AGMO: variants seen among roughly 807,000 people sequenced by gnomAD.
The protein encoded by AGMO is alkylglycerol monooxygenase, also known as glyceryl-ether monooxygenase.
In AGMO, 75 loss-of-function variants were observed where a neutral mutation model predicts 60.2. That is an observed-to-expected ratio of 1.25 (90% CI 1.03 to 1.51). The LOEUF (loss-of-function observed/expected upper bound fraction) is 1.51, where lower values mean the gene tolerates loss of function less well. Among genes scored for constraint, AGMO ranks in the 40% most tolerant of loss-of-function variants. The pLI is 0.00. For synonymous variants in AGMO, 261 were observed against 177.1 expected, an observed-to-expected ratio of 1.47 and a Z score of -3.76; for missense variants, 763 against 525.5, an observed-to-expected ratio of 1.45 and a Z score of -4.42.
chr7:15,262,967 G>A (rs190751008), intron 12 of AGMO, among the ~76,000 whole-genome samples: 41 of 152,016 alleles, frequency 2.7e-4, no homozygotes, highest in African/African-American at 5.3e-4. Flanking sequence ...ACCTGAAACC[G>A]TAAAGATTCT....
At chr7:15,354,829 AATTTG>A (rs978107296) in intron 12 of AGMO, among the ~76,000 whole-genome samples, 19 of 151,124 alleles carry the variant, frequency 1.3e-4, no homozygotes, top group Non-Finnish European at 2.2e-4. Flanking sequence ...AATTCACGAG[AATTTG>A]TTTTCTAAAA....
rs372634480 is a variant in AGMO, at chr7:15,516,518, G to A, written c.409+28254C>T. Among the ~76,000 whole-genome samples the A allele has an allele frequency of 4.6e-5, 7 of 152,200 alleles. No individual in the cohort carries two copies. The East Asian group carries it at 1.2e-3, about 25-fold the overall frequency. On this transcript the variant is annotated intron_variant, in intron 3 of 12. Coordinates refer to ENST00000342526, the MANE Select transcript of AGMO (RefSeq NM_001004320.2). ...GTTTAAAAAGATGAAAAAGAAATCT[G>A]TTCCTTTAAAAACCTTAAAAAAGTC... is the stretch of plus-strand genomic sequence containing the variant.
At chr7:15,554,885 T>C (rs865878001) in intron 2 of AGMO, among the ~76,000 whole-genome samples, 2 of 152,106 alleles carry the variant, frequency 1.3e-5, no homozygotes, top group African/African-American at 4.8e-5. Context: ...GGCATGACAT[T>C]CACTCTTTCA....
chr7:15,382,675 T>C (rs752641340), intron 10 of AGMO, among the ~76,000 whole-genome samples: 6 of 152,174 alleles, frequency 3.9e-5, no homozygotes, highest in Non-Finnish European at 8.8e-5. Context: ...AGAAGCCCTT[T>C]TAGAAGCGCT....
chr7:15,414,362 G>C (rs962213566), intron 5 of AGMO, among the ~76,000 whole-genome samples: 1 of 152,054 alleles, frequency 6.6e-6, no homozygotes, highest in Non-Finnish European at 1.5e-5. Flanking sequence ...AAGGTTGGGA[G>C]GGCTTAGATT....
At chr7:15,303,589 C>G (rs1440904956) in intron 12 of AGMO, among the ~76,000 whole-genome samples, 1 of 151,966 alleles carries the variant, frequency 6.6e-6, no homozygotes, top group African/African-American at 2.4e-5. Flanking sequence ...TGGGGATGAC[C>G]TCGGCTGTTT....
chr7:15,552,818 T>C (rs1387591032), intron 2 of AGMO, among the ~76,000 whole-genome samples: 1,970 of 149,754 alleles, frequency 0.013, 31 homozygotes, highest in African/African-American at 0.046. Context: ...ATCCCATTAC[T>C]GGGTATATAC....
chr7:15,173,721 G>C, the AGMO span, among the ~76,000 whole-genome samples: 1 of 151,694 alleles, frequency 6.6e-6, no homozygotes, highest in Non-Finnish European at 1.5e-5. Flanking sequence ...TGGAAGTTAG[G>C]AGTTTAAGTT....
At chr7:15,224,376 T>G (rs1387008361) in intron 12 of AGMO, among the ~76,000 whole-genome samples, 1 of 151,902 alleles carries the variant, frequency 6.6e-6, no homozygotes, top group African/African-American at 2.4e-5. Context: ...ATGGGATGAA[T>G]GTACTTATAG....
intron 3 of AGMO, among the ~76,000 whole-genome samples, chr7:15,486,114 T>C (rs1204989726): frequency 2.0e-5 from 3 of 152,138 alleles, no homozygotes; most frequent in Non-Finnish European, 2.9e-5. Flanking sequence ...GCTATAACAT[T>C]TGGAGATAAC....
At chr7:15,213,485 A>T (rs921669568) in intron 12 of AGMO, among the ~76,000 whole-genome samples, 1 of 151,970 alleles carries the variant, frequency 6.6e-6, no homozygotes, top group Non-Finnish European at 1.5e-5. Context: ...AGGAAAATTT[A>T]AATTTATAAT....
At position 15,431,045 on chromosome 7, in the gene AGMO, G is replaced by C; in HGVS notation, c.473C>G (p.Thr158Arg). The change falls in exon 4 of 13, where the codon ACA (threonine) becomes AGA (arginine). Residue 158 changes from threonine to arginine, a missense_variant. Transcript: ENST00000342526. ...HHSSEDYNLS[T>R]ALRQSVLQIY... is the part of the protein sequence containing the mutation. ...CTGGAGGACAGACTGTCTCAGTGCT[G>C]TGGATAAGTTATAGTCTTCAGAACT... The C allele has an allele frequency of 6.2e-7, 1 of 1,610,498 alleles. No individual in the cohort carries two copies. The highest frequency in any genetic ancestry group is 2.2e-5 in the East Asian group (1 of 44,702).
At chr7:15,119,502 A>G in the AGMO span, among the ~76,000 whole-genome samples, 78 of 152,198 alleles carry the variant, frequency 5.1e-4, no homozygotes, top group African/African-American at 1.9e-3. Context: ...CTTAAATTCT[A>G]AGGTCAGTCA....
the AGMO span, among the ~76,000 whole-genome samples, chr7:15,138,037 C>T: frequency 5.8e-4 from 88 of 152,198 alleles, no homozygotes; most frequent in African/African-American, 1.9e-3. Flanking sequence ...CGCTTTCCCC[C>T]CAAATGATAC....
intron 3 of AGMO, among the ~76,000 whole-genome samples, chr7:15,531,587 A>T: frequency 1.2e-5 from 1 of 82,440 alleles, no homozygotes; most frequent in Non-Finnish European, 2.1e-5. Flanking sequence ...TATATATTCT[A>T]TATATATTCT....
chr7:15,376,174 T>C (rs1351766225), intron 10 of AGMO, among the ~76,000 whole-genome samples: 1 of 152,076 alleles, frequency 6.6e-6, no homozygotes, highest in Non-Finnish European at 1.5e-5. Context: ...ATGCTCATTT[T>C]GGCCCACATT....
intron 3 of AGMO, among the ~76,000 whole-genome samples, chr7:15,453,361 C>A (rs1246786475): frequency 6.6e-6 from 1 of 152,180 alleles, no homozygotes; most frequent in Non-Finnish European, 1.5e-5. Flanking sequence ...AAAACCAAGT[C>A]TATTCTAAGT....
the AGMO span, among the ~76,000 whole-genome samples, chr7:15,177,302 CACAA>C: frequency 3.3e-5 from 5 of 151,980 alleles, no homozygotes; most frequent in Non-Finnish European, 5.9e-5. Flanking sequence ...TGTTTGTTTG[CACAA>C]ACAAACTTCT....
rs1782196263 is a variant in AGMO at position 15,229,701 on chromosome 7, T to A, written c.1264-28342A>T. Reference sequence around the variant, plus strand: ...GTATACACATATATATAACTAATTATTTATATATATATTATATTATATATA... The same window carrying A: ...GTATACACATATATATAACTAATTAATTATATATATATTATATTATATATA... On this transcript the variant is annotated intron_variant, in intron 12 of 12. Coordinates refer to ENST00000342526, the MANE Select transcript of AGMO (RefSeq NM_001004320.2). Among the ~76,000 whole-genome samples, 4 of 138,976 alleles carry A rather than the reference T, an allele frequency of 2.9e-5. No homozygotes were observed. The South Asian group carries it at 6.6e-4, about 23-fold the overall frequency. The allele number at this position is 138,976 out of a possible 152,430, so 91.2% of individuals were successfully genotyped here. A position where few individuals can be genotyped will look rare whatever the true frequency, so the allele number is the denominator to read the frequency against.
Sources: allele counts gnomAD v4.1 joint callset (sites outside exome capture counted in the v4.1 genomes callset), GRCh38; gene constraint gnomAD v4.1.1; transcripts MANE v1.5; gene names NCBI Gene and HGNC (gene_info 2026-07-23, HGNC 2026-07-21).